PNCK: variants seen among roughly 807,000 people sequenced by gnomAD.
PNCK encodes the protein calcium/calmodulin-dependent protein kinase type 1B.
A neutral mutation model predicts 28.3 loss-of-function variants in PNCK; 21 were observed. That is an observed-to-expected ratio of 0.74 (90% CI 0.53 to 1.07). PNCK has a LOEUF of 1.07. Ranked by LOEUF, PNCK falls within the 50% of genes least tolerant of loss-of-function variation. The pLI is 0.00. For synonymous variants in PNCK, 136 were observed against 125.2 expected, an observed-to-expected ratio of 1.09 and a Z score of -0.58; for missense variants, 250 against 298.3, an observed-to-expected ratio of 0.84 and a Z score of 1.19.
At position 153,671,353 on chromosome X, in the gene PNCK, C is replaced by T. The variant is rs782327258; in HGVS notation, c.546G>A (p.Glu182=). Reference sequence around the variant, plus strand: ...TCCCGTAGGGTTTCTGCTCCAAGAGCTCTGGGGCTGGGGGCCAGAGACAGA... The same window carrying T: ...TCCCGTAGGGTTTCTGCTCCAAGAGTTCTGGGGCTGGGGGCCAGAGACAGA... ...ACGTPGYVAP[E]LLEQKPYGKA... is the part of the protein sequence containing the mutation. Residue 182 remains glutamate (E), a synonymous_variant, in exon 7 of 12, where the codon GAG becomes GAA. Coordinates refer to ENST00000340888, the MANE Select transcript of PNCK (RefSeq NM_001366977.1). The T allele has an allele frequency of 8.2e-7, 1 of 1,212,183 alleles. No homozygotes were observed. Among genetic ancestry groups the T allele is most frequent in the South Asian group, 1.8e-5 (1 of 57,018 alleles).
At chrX:153,677,646 GTATA>G (rs1219884755), upstream of PNCK, among the ~76,000 whole-genome samples, 9 of 96,690 alleles carry the variant, frequency 9.3e-5, no homozygotes, top group Non-Finnish European at 1.2e-4. Flanking sequence ...TATATATAGT[GTATA>G]TATATAGTGT....
rs782100269 is a variant in PNCK at position 153,672,172 on chromosome X, C to T, written c.229G>A (p.Glu77Lys). 39 of 1,205,085 alleles carry T rather than the reference C, an allele frequency of 3.2e-5. No homozygotes were observed. The East Asian group carries it at 6.5e-4, about 20-fold the overall frequency. ...TGGGAAGGGCTCTCGTGGACATCCT[C>T]CAGAGCGACGATGTTGGGGTGACTG... The part of the protein sequence containing the change: ...RISHPNIVAL[E>K]DVHESPSHLY... Residue 77 changes from glutamate to lysine, a missense_variant, in exon 4 of 12, where the codon GAG (glutamate) becomes AAG (lysine). Glu to Lys is a moderately conservative substitution (Grantham distance 56). Coordinates refer to ENST00000340888, the MANE Select transcript of PNCK (RefSeq NM_001366977.1).
rs942664458 is a variant in PNCK at position 153,669,775 on chromosome X, G to A, written c.*363C>T. Reference sequence around the variant, plus strand: ...ATTGGTTTGGGGAAAACTGGAGGGGGCTGGAAGGCCATGACCATGACACAA... The same window carrying A: ...ATTGGTTTGGGGAAAACTGGAGGGGACTGGAAGGCCATGACCATGACACAA... On this transcript the variant is annotated 3_prime_UTR_variant, in exon 12 of 12. Transcript: ENST00000340888. 1.1e-4 allele frequency: 37 copies of A among 341,517 alleles called. No homozygotes were observed. The highest frequency in any genetic ancestry group is 2.1e-4 in the Non-Finnish European group (35 of 170,009). 28.1% of individuals were successfully genotyped at this position (341,517 alleles called of 1,213,427 possible). A position where few individuals can be genotyped will look rare whatever the true frequency, so the allele number is the denominator to read the frequency against.
intron 2 of PNCK, 131 bp downstream of exon 2, chrX:153,672,878 C>A (rs782632047): frequency 6.3e-5 from 60 of 945,351 alleles, no homozygotes; most frequent in Non-Finnish European, 1.2e-5. Flanking sequence ...CATTCACACA[C>A]CCCTACATAT....
chrX:153,673,011 G>A lies in PNCK; in HGVS notation c.66C>T (p.Gly22=). 8.4e-7 allele frequency: 1 copy of A among 1,184,438 alleles called. No homozygotes were observed. Among genetic ancestry groups the A allele is most frequent in the Non-Finnish European group, 1.1e-6 (1 of 880,705 alleles). Residue 22 remains glycine, a splice_region_variant and synonymous_variant, in exon 2 of 12, where the codon GGC becomes GGT. Coordinates refer to ENST00000340888, the MANE Select transcript of PNCK (RefSeq NM_001366977.1). ...CACACACGCGCGCGCACACTCACGA[G>A]CCGAGCCTCTCGCGGATCTCGTAGA... ...SSVYEIRERL[G]SGAFSEVVLA...
chrX:153,681,907 G>A (rs2091397011), intron 1 of PNCK, among the ~76,000 whole-genome samples: 1 of 110,874 alleles, frequency 9.0e-6, no homozygotes, highest in Non-Finnish European at 1.9e-5. Flanking sequence ...CACTATTCAG[G>A]TTGTAACCAC....
At chrX:153,678,730 A>G (rs2091381146), upstream of PNCK, among the ~76,000 whole-genome samples, 1 of 111,550 alleles carries the variant, frequency 9.0e-6, no homozygotes, top group East Asian at 2.8e-4. Context: ...CCACCATTAC[A>G]GCATCATACA....
rs146644423 is a variant in PNCK, at chrX:153,670,772, C to T, written c.866G>A (p.Arg289Gln). The change falls in exon 10 of 12, where the codon CGG (arginine) becomes CAG (glutamine). Residue 289 changes from arginine to glutamine, a missense_variant. By Grantham distance (43) the Arg-to-Gln change is conservative (BLOSUM62 1). Transcript: ENST00000340888. Reference protein sequence around the residue: ...DILGSVSEQIRKNFARTHWKR... With the variant: ...DILGSVSEQIQKNFARTHWKR... ...CCAGTGTGTCCGAGCAAAGTTCTTC[C>T]GGATCTGCTCACTGACAGAGCCTAA... 89 of 1,209,479 alleles carry T rather than the reference C, an allele frequency of 7.4e-5. No homozygotes were observed. The African/African-American group carries it at 1.2e-3, about 17-fold the overall frequency.
At chrX:153,684,072 G>A (rs1029031178) in intron 1 of PNCK, among the ~76,000 whole-genome samples, 24 of 112,049 alleles carry the variant, frequency 2.1e-4, no homozygotes, top group African/African-American at 6.8e-4. Flanking sequence ...TTACAAAGGC[G>A]GTTTCATCTT....
At chrX:153,685,679 G>A (rs782251729) in intron 1 of PNCK, among the ~76,000 whole-genome samples, 13 of 113,045 alleles carry the variant, frequency 1.1e-4, no homozygotes, top group South Asian at 3.6e-4. Flanking sequence ...ACTCCATCTC[G>A]TAGTCTTGGA....
intron 1 of PNCK, among the ~76,000 whole-genome samples, chrX:153,684,887 C>T (rs1246855812): frequency 1.0e-5 from 1 of 99,164 alleles, no homozygotes; most frequent in Non-Finnish European, 2.1e-5. Flanking sequence ...TCCAACCCCC[C>T]AGCCCCAGCT....
chrX:153,670,665 T>C, intron 10 of PNCK, 71 bp from the exon 11 acceptor site: 1 of 1,189,553 alleles, frequency 8.4e-7, no homozygotes, highest in Non-Finnish European at 1.1e-6. Context: ...AGGACTGCAG[T>C]GGTCACTGGG....
intron 9 of PNCK, 29 bp from the exon 10 acceptor site, chrX:153,670,860 T>C: frequency 8.3e-7 from 1 of 1,209,219 alleles, no homozygotes; most frequent in Non-Finnish European, 1.1e-6. Context: ...TCAGGGGGGG[T>C]CTCTCTGCAA....
upstream of PNCK, chrX:153,673,828 G>C: frequency 1.3e-6 from 1 of 751,039 alleles, no homozygotes; most frequent in African/African-American, 2.3e-5. Flanking sequence ...GCAGCGCCAA[G>C]CCCCCCGCCC....
upstream of PNCK, among the ~76,000 whole-genome samples, chrX:153,678,602 T>C (rs2148349265): frequency 8.9e-6 from 1 of 112,251 alleles, no homozygotes; most frequent in Admixed American, 9.4e-5. Context: ...TCTTATCAAT[T>C]AGAGTGCGGC....
chrX:153,677,726 T>G (rs868942899), upstream of PNCK, among the ~76,000 whole-genome samples: 4 of 99,133 alleles, frequency 4.0e-5, no homozygotes, highest in African/African-American at 1.6e-4. Flanking sequence ...TGCATATATA[T>G]AGTGTATATA....
chrX:153,677,590 ATATATATATAGTGTGTATATATATAGTG>A (rs782153471), upstream of PNCK, among the ~76,000 whole-genome samples: 4 of 95,095 alleles, frequency 4.2e-5, no homozygotes, highest in Admixed American at 1.1e-4. Context: ...TATAGTGTAT[ATATATATATAGTGTGTATATATATAGTG>A]TATATATATA....
chrX:153,672,716 T>A lies in PNCK; in HGVS notation c.69-19A>T, dbSNP rs782142823. The A allele has an allele frequency of 4.2e-6, 5 of 1,186,591 alleles. No individual in the cohort carries two copies. In the Admixed American group the frequency reaches 1.1e-4, roughly 26 times the overall value. ...GGCACCCCTGCCGCAGACGGGGCGG[T>A]GGGAGGTGGGAAGGAAGTGGGAAGA... On this transcript the variant is annotated intron_variant, in intron 2 of 11. Coordinates refer to ENST00000340888, the MANE Select transcript of PNCK (RefSeq NM_001366977.1).
chrX:153,683,077 A>T (rs1483533194), intron 1 of PNCK, among the ~76,000 whole-genome samples: 1 of 112,093 alleles, frequency 8.9e-6, no homozygotes, highest in East Asian at 2.8e-4. Context: ...CACGTAGAGG[A>T]GACTGGAGTT....
Sources: allele counts gnomAD v4.1 joint callset (sites outside exome capture counted in the v4.1 genomes callset), GRCh38; gene constraint gnomAD v4.1.1; transcripts MANE v1.5; gene names NCBI Gene and HGNC (gene_info 2026-07-23, HGNC 2026-07-21).